Variants in GPC5 observed in about 807,000 individuals in gnomAD.
The protein encoded by GPC5 is glypican 5, also known as glypican-5.
A neutral mutation model predicts 53.9 loss-of-function variants in GPC5; 47 were observed. That is an observed-to-expected ratio of 0.87 (90% confidence interval 0.69 to 1.11). The LOEUF (loss-of-function observed/expected upper bound fraction) is 1.11. Ranked by LOEUF, GPC5 falls within the 50% of genes most tolerant of loss-of-function variation. The probability of loss-of-function intolerance (pLI) is 0.00; values close to 1 mark genes in which losing one functional copy is unlikely to be tolerated. For synonymous variants in GPC5, 286 were observed against 263.3 expected (o/e 1.09, Z -0.84); for missense variants, 748 against 713.1 (o/e 1.05, Z -0.56).
At chr13:92,303,243 G>C (rs1337007484) in intron 7 of GPC5, among the ~76,000 whole-genome samples, 1 of 152,104 alleles carries the variant, frequency 6.6e-6, no homozygotes, top group African/African-American at 2.4e-5. Flanking sequence ...GCTCTCAAGA[G>C]AGGCAAAAAG....
At chr13:91,853,152 A>G (rs1389665002) in intron 5 of GPC5, among the ~76,000 whole-genome samples, 1 of 152,132 alleles carries the variant, frequency 6.6e-6, no homozygotes, top group Non-Finnish European at 1.5e-5. Context: ...TTTTTAAAAA[A>G]TTATAGAAAT....
chr13:92,161,577 A>G (rs1027933385), intron 7 of GPC5, among the ~76,000 whole-genome samples: 2 of 152,190 alleles, frequency 1.3e-5, no homozygotes, highest in Non-Finnish European at 2.9e-5. Context: ...AGTAAATTTG[A>G]TAAGTATAGT....
At chr13:91,689,227 A>ATATATT (rs1555338061) in intron 2 of GPC5, among the ~76,000 whole-genome samples, 4 of 102,718 alleles carry the variant, frequency 3.9e-5, no homozygotes, top group African/African-American at 1.3e-4. Context: ...ATATATATAT[A>ATATATT]TATACACATA....
chr13:92,035,424 T>C (rs544366952), intron 6 of GPC5, among the ~76,000 whole-genome samples: 7 of 152,252 alleles, frequency 4.6e-5, no homozygotes, highest in African/African-American at 1.7e-4. Flanking sequence ...ACACACAGGG[T>C]GCTCTGATCG....
intron 1 of GPC5, among the ~76,000 whole-genome samples, chr13:91,402,856 A>G (rs1246023510): frequency 2.6e-5 from 4 of 152,244 alleles, no homozygotes; most frequent in Admixed American, 2.0e-4. Flanking sequence ...ATTTTTATCT[A>G]AAGTGATATC....
intron 7 of GPC5, among the ~76,000 whole-genome samples, chr13:92,155,904 T>C (rs1329392607): frequency 6.6e-6 from 1 of 152,194 alleles, no homozygotes; most frequent in East Asian, 1.9e-4. Context: ...GATTGTGTGC[T>C]TACTATGTTT....
At chr13:91,912,748 A>G in intron 6 of GPC5, among the ~76,000 whole-genome samples, 1 of 152,152 alleles carries the variant, frequency 6.6e-6, no homozygotes, top group East Asian at 1.9e-4. Flanking sequence ...GTTTTTTATG[A>G]TAATAAAGAC....
rs572602836 is a variant in GPC5 at position 91,963,781 on chromosome 13, C to A, written c.1401+55724C>A. Among the ~76,000 whole-genome samples the A allele has an allele frequency of 2.0e-5, 3 of 152,204 alleles. No individual in the cohort carries two copies. The South Asian group carries it at 6.2e-4, about 32-fold the overall frequency. ...GATAATAATATTGATATGCCACAATCTGATGGGGTATTTTGAGCTCATACC... is the reference window on the plus strand; with the variant it reads ...GATAATAATATTGATATGCCACAATATGATGGGGTATTTTGAGCTCATACC... On this transcript the variant is annotated intron_variant, in intron 6 of 7. Transcript: ENST00000377067.
At chr13:92,215,908 C>T (rs1953226449) in intron 7 of GPC5, among the ~76,000 whole-genome samples, 2 of 152,044 alleles carry the variant, frequency 1.3e-5, no homozygotes, top group Admixed American at 1.3e-4. Context: ...ATTTGGTCAC[C>T]CCTCCTTAGC....
intron 6 of GPC5, among the ~76,000 whole-genome samples, chr13:91,945,060 T>C (rs1332192093): frequency 6.6e-6 from 1 of 152,350 alleles, no homozygotes; most frequent in Non-Finnish European, 1.5e-5. Flanking sequence ...TAAAAACATA[T>C]ATAAGCATAT....
At chr13:92,468,017 T>G (rs1440597910) in intron 7 of GPC5, among the ~76,000 whole-genome samples, 1 of 152,098 alleles carries the variant, frequency 6.6e-6, no homozygotes, top group Non-Finnish European at 1.5e-5. Flanking sequence ...AAATTAATGT[T>G]TCTAGATTAA....
chr13:92,468,544 C>T (rs1206281082), intron 7 of GPC5, among the ~76,000 whole-genome samples: 1 of 152,088 alleles, frequency 6.6e-6, no homozygotes, highest in Non-Finnish European at 1.5e-5. Flanking sequence ...AATATAAATA[C>T]ATTGGACTTG....
At chr13:92,707,778 T>C (rs1202987778) in intron 7 of GPC5, among the ~76,000 whole-genome samples, 1 of 152,064 alleles carries the variant, frequency 6.6e-6, no homozygotes, top group Non-Finnish European at 1.5e-5. Flanking sequence ...AAAAATAAAC[T>C]TTTTGTAGCC....
In GPC5 at chr13:92,323,901, A is replaced by C. The variant is rs1044522210; in HGVS notation, c.1561+178912A>C. On this transcript the variant is annotated intron_variant, in intron 7 of 7. Coordinates refer to ENST00000377067, the MANE Select transcript of GPC5 (RefSeq NM_004466.6). ...ATTTCAAGCTATATGACAATGACTC[A>C]TATCAAAAAAATAATACTTTACACA... Among the ~76,000 whole-genome samples the C allele has an allele frequency of 8.6e-5, 13 of 152,028 alleles. No individual in the cohort carries two copies. In the East Asian group the frequency reaches 2.5e-3, roughly 29 times the overall value.
intron 6 of GPC5, among the ~76,000 whole-genome samples, chr13:91,998,149 G>C (rs984608540): frequency 6.6e-6 from 1 of 152,078 alleles, no homozygotes; most frequent in Non-Finnish European, 1.5e-5. Context: ...TTGCTCTTCA[G>C]GACAAATGTC....
chr13:91,586,512 A>C (rs761887478), intron 2 of GPC5, among the ~76,000 whole-genome samples: 1 of 10,268 alleles, frequency 9.7e-5, no homozygotes, highest in South Asian at 4.0e-3. Flanking sequence ...ATATATATAT[A>C]TATATATATA....
At chr13:92,375,852 C>A (rs1003696871) in intron 7 of GPC5, among the ~76,000 whole-genome samples, 2 of 152,078 alleles carry the variant, frequency 1.3e-5, no homozygotes, top group African/African-American at 4.8e-5. Context: ...CTGCAAAATA[C>A]CTCTGCAGAA....
At chr13:92,636,827 G>A (rs560299176) in intron 7 of GPC5, among the ~76,000 whole-genome samples, 11 of 152,160 alleles carry the variant, frequency 7.2e-5, no homozygotes, top group South Asian at 2.1e-4. Flanking sequence ...GATATCTCAC[G>A]TGCATCTAAA....
intron 7 of GPC5, among the ~76,000 whole-genome samples, chr13:92,661,895 A>G (rs565514810): frequency 1.3e-5 from 2 of 152,194 alleles, no homozygotes; most frequent in African/African-American, 4.8e-5. Flanking sequence ...ACCAAATGAC[A>G]TTTGTCATAG....
Sources: allele counts gnomAD v4.1 joint callset (sites outside exome capture counted in the v4.1 genomes callset), GRCh38; gene constraint gnomAD v4.1.1; transcripts MANE v1.5; gene names NCBI Gene and HGNC (gene_info 2026-07-23, HGNC 2026-07-21).